The following ARHGEF3 variants were observed in gnomAD, a reference collection of about 807,000 sequenced individuals.
ARHGEF3 encodes the protein 59.8 kDA protein.
ARHGEF3 carries 28 observed loss-of-function variants against 63.2 expected under a neutral mutation model. The ratio of observed to expected loss-of-function variants is 0.44; its 90% CI spans 0.33 to 0.61. The LOEUF (loss-of-function observed/expected upper bound fraction) is 0.61, where lower values mean the gene tolerates loss of function less well. Among genes scored for constraint, ARHGEF3 ranks in the 20% least tolerant of loss-of-function variants. The probability of loss-of-function intolerance (pLI) is 0.03; values close to 1 mark genes in which losing one functional copy is unlikely to be tolerated. For synonymous variants in ARHGEF3, 266 were observed against 254.2 expected (o/e 1.05, Z -0.44); for missense variants, 533 against 659.3 (o/e 0.81, Z 2.10).
intron 3 of ARHGEF3, among the ~76,000 whole-genome samples, chr3:56,918,114 C>G (rs1040326295): frequency 8.5e-5 from 13 of 152,194 alleles, no homozygotes; most frequent in Non-Finnish European, 1.9e-4. Context: ...GCCTCCTACA[C>G]AGGAAGGGTC....
chr3:56,811,597 A>G (rs1303376968), intron 4 of ARHGEF3, among the ~76,000 whole-genome samples: 1 of 152,176 alleles, frequency 6.6e-6, no homozygotes, highest in African/African-American at 2.4e-5. Flanking sequence ...GGTTAACTGA[A>G]TGCTTTGGTT....
rs115480750 is a variant in ARHGEF3 at position 57,036,793 on chromosome 3, G to A, written c.-27-1617C>T. On this transcript the variant is annotated intron_variant, in intron 1 of 12. Coordinates refer to the ARHGEF3 transcript ENST00000338458. ...ATGTTCTTCTAAGCTAGTGCTGGCT[G>A]AATGGTCCAGCACCGTTGCATCCAC... is the stretch of plus-strand genomic sequence containing the variant. Among the ~76,000 whole-genome samples the A allele has an allele frequency of 8.9e-4, 135 of 152,340 alleles. 2 individuals are homozygous for A. Among genetic ancestry groups the A allele is most frequent in the African/African-American group, 3.1e-3 (128 of 41,578 alleles).
At chr3:56,868,373 T>C (rs1258715131) in intron 4 of ARHGEF3, among the ~76,000 whole-genome samples, 14 of 151,830 alleles carry the variant, frequency 9.2e-5, no homozygotes. Context: ...TTTTTTTTTT[T>C]TTCGAGACAG....
chr3:57,014,628 TAACAGTTAACATA>T (rs1240031340), intron 2 of ARHGEF3, among the ~76,000 whole-genome samples: 1 of 152,176 alleles, frequency 6.6e-6, no homozygotes, highest in Non-Finnish European at 1.5e-5. Flanking sequence ...ATAAACAGAT[TAACAGTTAACATA>T]GAAAGTAAAA....
At position 56,729,204 on chromosome 3, in the gene ARHGEF3, A is replaced by G; in HGVS notation, c.*66T>C. ...AAAAAGTGCTTCTCCAAACCGTTCCATCTGTGGAATGCAAATACTGTACAG... is the reference window on the plus strand; with the variant it reads ...AAAAAGTGCTTCTCCAAACCGTTCCGTCTGTGGAATGCAAATACTGTACAG... On this transcript the variant is annotated 3_prime_UTR_variant, in exon 10 of 10. Transcript: ENST00000296315. 1.4e-6 allele frequency: 2 copies of G among 1,425,288 alleles called. No homozygotes were observed. Among genetic ancestry groups the G allele is most frequent in the Non-Finnish European group, 1.9e-6 (2 of 1,046,792 alleles). 88.3% of individuals were successfully genotyped at this position (1,425,288 alleles called of 1,614,324 possible). A position where few individuals can be genotyped will look rare whatever the true frequency, so the allele number is the denominator to read the frequency against.
chr3:56,751,102 T>C lies in ARHGEF3; in HGVS notation c.566A>G (p.Lys189Arg), dbSNP rs770289858. The C allele has an allele frequency of 4.3e-6, 7 of 1,614,166 alleles. No homozygotes were observed. In the South Asian group the frequency reaches 6.6e-5, roughly 15 times the overall value. Reference sequence around the variant, plus strand: ...AACATGTTCAGTCGAGCCATCAGGCTTCCTAACATCTCGAAGCTGACTAAG... The same window carrying C: ...AACATGTTCAGTCGAGCCATCAGGCCTCCTAACATCTCGAAGCTGACTAAG... ...ELLSQLRDVR[K>R]PDGSTEHVGP... The change falls in exon 6 of 10, where the codon AAG becomes AGG. Residue 189 changes from lysine to arginine, a missense_variant. Transcript: ENST00000296315.
chr3:56,798,984 T>C (rs1050398011), intron 1 of ARHGEF3, among the ~76,000 whole-genome samples: 2 of 152,166 alleles, frequency 1.3e-5, no homozygotes, highest in African/African-American at 4.8e-5. Context: ...ACATGCAATA[T>C]TATAATCCCT....
chr3:56,773,542 T>C (rs2036120413), intron 2 of ARHGEF3, among the ~76,000 whole-genome samples, 167 bp downstream of exon 2: 2 of 152,196 alleles, frequency 1.3e-5, no homozygotes, highest in South Asian at 4.1e-4. Flanking sequence ...TGACTGCAAC[T>C]TGAAAAACAT....
At chr3:56,974,281 T>A (rs1240130750) in intron 2 of ARHGEF3, among the ~76,000 whole-genome samples, 1 of 152,092 alleles carries the variant, frequency 6.6e-6, no homozygotes, top group Non-Finnish European at 1.5e-5. Flanking sequence ...TGGGAGACAA[T>A]GAGGAATATA....
chr3:56,759,326 C>T (rs141848259), intron 2 of ARHGEF3, among the ~76,000 whole-genome samples: 1,805 of 151,704 alleles, frequency 0.012, 37 homozygotes, highest in African/African-American at 0.041. Flanking sequence ...TACAGGAGCC[C>T]GCCACCAGGC....
intron 3 of ARHGEF3, among the ~76,000 whole-genome samples, chr3:56,916,099 G>A (rs1030252374): frequency 6.6e-6 from 1 of 152,128 alleles, no homozygotes; most frequent in African/African-American, 2.4e-5. Flanking sequence ...CTTAAACACA[G>A]CCACACAGTG....
rs137980154 is a variant in ARHGEF3 at position 56,974,460 on chromosome 3, C to T, written c.63-15571G>A. Among the ~76,000 whole-genome samples, 1,284 of 152,220 alleles carry T rather than the reference C, an allele frequency of 8.4e-3. 7 individuals are homozygous for T. The highest frequency in any genetic ancestry group is 0.012 in the Non-Finnish European group (820 of 68,012). ...CATCATCAGCGGATAGATGGCAGCA[C>T]CAAGCTTTCAAACACCTAAGCTCAC... On this transcript the variant is annotated intron_variant, in intron 2 of 12. Transcript: ENST00000338458.
intron 1 of ARHGEF3, among the ~76,000 whole-genome samples, chr3:56,779,476 GTTTT>G (rs1189979162): frequency 2.0e-5 from 3 of 150,856 alleles, no homozygotes; most frequent in Non-Finnish European, 2.9e-5. Flanking sequence ...AAAATAAAAA[GTTTT>G]TTTTTATTTT....
intron 3 of ARHGEF3, among the ~76,000 whole-genome samples, chr3:56,924,702 G>A (rs1164592082): frequency 6.6e-6 from 1 of 152,120 alleles, no homozygotes; most frequent in Non-Finnish European, 1.5e-5. Context: ...ATGACCAGAG[G>A]TCACTCTCGT....
chr3:56,761,117 A>G (rs574865027), intron 2 of ARHGEF3, among the ~76,000 whole-genome samples: 8 of 151,002 alleles, frequency 5.3e-5, no homozygotes, highest in Non-Finnish European at 4.4e-5. Context: ...ATAAAAAAGA[A>G]TAATAATAAA....
intron 2 of ARHGEF3, among the ~76,000 whole-genome samples, chr3:57,009,328 T>C (rs1353523775): frequency 6.6e-6 from 1 of 152,214 alleles, no homozygotes; most frequent in Non-Finnish European, 1.5e-5. Context: ...TCCCCCAGCC[T>C]GCCTGCAATT....
intron 3 of ARHGEF3, chr3:56,958,705 C>T (rs1295734292): frequency 1.1e-5 from 12 of 1,084,542 alleles, no homozygotes; most frequent in African/African-American, 1.6e-5. Context: ...AGCACAGATG[C>T]GCTCCTGATG....
chr3:56,774,877 G>C, intron 1 of ARHGEF3: 5 of 819,868 alleles, frequency 6.1e-6, no homozygotes, highest in Non-Finnish European at 8.7e-6. Context: ...GGTTGACAGA[G>C]ACTCTGTGTC....
At chr3:57,063,680 A>C (rs1388960266) in intron 1 of ARHGEF3, among the ~76,000 whole-genome samples, 7 of 152,150 alleles carry the variant, frequency 4.6e-5, no homozygotes, top group Admixed American at 3.9e-4. Flanking sequence ...GGCTTCGAGG[A>C]AGAGAAAGTG....
Sources: allele counts gnomAD v4.1 joint callset (sites outside exome capture counted in the v4.1 genomes callset), GRCh38; gene constraint gnomAD v4.1.1; transcripts MANE v1.5; gene names NCBI Gene and HGNC (gene_info 2026-07-23, HGNC 2026-07-21).